SIPA1L1: variants seen among roughly 807,000 people sequenced by gnomAD.
SIPA1L1 encodes the protein signal induced proliferation associated 1 like 1.
Under a neutral mutation model 162.7 loss-of-function variants are expected in SIPA1L1, and 26 were observed. The observed-to-expected ratio is 0.16, with a 90% CI of 0.12 to 0.22. SIPA1L1 has a LOEUF of 0.22. Among genes scored for constraint, SIPA1L1 ranks in the 10% least tolerant of loss-of-function variants. The pLI is 1.00. For synonymous variants in SIPA1L1, 829 were observed against 837.4 expected (o/e 0.99, Z 0.17); for missense variants, 1,874 against 2,241.0 (o/e 0.84, Z 3.31).
At chr14:71,539,310 A>G (rs535376309) in intron 4 of SIPA1L1, among the ~76,000 whole-genome samples, 3 of 152,320 alleles carry the variant, frequency 2.0e-5, no homozygotes, top group East Asian at 3.9e-4. Flanking sequence ...TGTGTGGCCT[A>G]GTGTAAATAT....
chr14:71,581,229 CTA>C (rs2033884200), intron 4 of SIPA1L1, among the ~76,000 whole-genome samples: 1 of 152,028 alleles, frequency 6.6e-6, no homozygotes, highest in East Asian at 1.9e-4. Flanking sequence ...TGGGAACTCA[CTA>C]TGTTACCCAG....
intron 2 of SIPA1L1, among the ~76,000 whole-genome samples, chr14:71,396,686 G>A (rs116063945): frequency 0.021 from 3,226 of 152,132 alleles, 114 homozygotes; most frequent in African/African-American, 0.073. Flanking sequence ...CCCTAATTAC[G>A]TTGTGTATCT....
rs545070693 is a variant in SIPA1L1 at position 71,583,401 on chromosome 14, C to T, written c.-302-4170C>T. Among the ~76,000 whole-genome samples, 38 of 152,206 alleles carry T rather than the reference C, an allele frequency of 2.5e-4. No homozygotes were observed. The East Asian group carries it at 6.6e-3, about 26-fold the overall frequency. ...ACTGCCCTGAAACATTGAGAGCTGGCGTTGTATTTTAGGCTGTACCAGTTA... is the reference window on the plus strand; with the variant it reads ...ACTGCCCTGAAACATTGAGAGCTGGTGTTGTATTTTAGGCTGTACCAGTTA... On this transcript the variant is annotated intron_variant, in intron 4 of 23. Coordinates refer to ENST00000381232, the MANE Select transcript of SIPA1L1 (RefSeq NM_001386936.1).
At chr14:71,461,404 G>C (rs1210081301) in intron 2 of SIPA1L1, among the ~76,000 whole-genome samples, 3 of 152,178 alleles carry the variant, frequency 2.0e-5, no homozygotes. Flanking sequence ...GGCCCATTGG[G>C]TGATGACGGG....
At chr14:71,604,010 T>G (rs2037175352) in intron 5 of SIPA1L1, among the ~76,000 whole-genome samples, 1 of 145,898 alleles carries the variant, frequency 6.9e-6, no homozygotes, top group Non-Finnish European at 1.5e-5. Context: ...AATTTTTTTT[T>G]TTTTGAGACA....
At chr14:71,730,384 AGAGAGG>A in intron 20 of SIPA1L1, 83 bp downstream of exon 20, 8 of 1,492,740 alleles carry the variant, frequency 5.4e-6, no homozygotes, top group Non-Finnish European at 7.4e-6. Context: ...TCATGTGCTC[AGAGAGG>A]GGTCCTGTAT....
chr14:71,553,536 T>C (rs1470716263), intron 4 of SIPA1L1, among the ~76,000 whole-genome samples: 3 of 152,240 alleles, frequency 2.0e-5, no homozygotes, highest in Non-Finnish European at 1.5e-5. Flanking sequence ...TTTAATTGGA[T>C]GTCAAGATAG....
intron 2 of SIPA1L1, among the ~76,000 whole-genome samples, chr14:71,352,703 C>G (rs773198711): frequency 2.2e-4 from 34 of 152,132 alleles, no homozygotes; most frequent in Non-Finnish European, 4.4e-4. Flanking sequence ...GTGATGCCAT[C>G]TACAGGGGAT....
chr14:71,451,924 A>G (rs1024031201), intron 2 of SIPA1L1, among the ~76,000 whole-genome samples: 2 of 152,232 alleles, frequency 1.3e-5, no homozygotes, highest in Admixed American at 6.5e-5. Context: ...GCATGGAATT[A>G]TATACATCAA....
chr14:71,579,756 A>T (rs952235844), intron 4 of SIPA1L1, among the ~76,000 whole-genome samples: 2 of 152,190 alleles, frequency 1.3e-5, no homozygotes, highest in African/African-American at 4.8e-5. Flanking sequence ...CATTGTTCTT[A>T]TGCTCCTTTC....
intron 10 of SIPA1L1, among the ~76,000 whole-genome samples, chr14:71,668,288 G>C (rs781413332): frequency 7.9e-5 from 12 of 152,158 alleles, no homozygotes; most frequent in Non-Finnish European, 1.5e-4. Flanking sequence ...TCCTCAGAGG[G>C]AGTAAGTGTG....
intron 2 of SIPA1L1, among the ~76,000 whole-genome samples, chr14:71,469,403 T>C (rs548199275): frequency 5.3e-5 from 8 of 152,328 alleles, no homozygotes; most frequent in Admixed American, 2.6e-4. Flanking sequence ...TTACCTGTTA[T>C]GTGTTTGTCC....
intron 5 of SIPA1L1, among the ~76,000 whole-genome samples, chr14:71,606,044 G>A (rs1426078990): frequency 6.6e-6 from 1 of 152,136 alleles, no homozygotes; most frequent in East Asian, 1.9e-4. Context: ...CTGCCTCCTT[G>A]ATGGCACATG....
At chr14:71,616,963 T>C (rs150559831) in intron 5 of SIPA1L1, among the ~76,000 whole-genome samples, 264 of 152,170 alleles carry the variant, frequency 1.7e-3, no homozygotes, top group African/African-American at 6.0e-3. Context: ...TTCCTAGAAG[T>C]TGGTTTTTAT....
chr14:71,599,036 C>T (rs1400877893), intron 5 of SIPA1L1, among the ~76,000 whole-genome samples: 1 of 152,044 alleles, frequency 6.6e-6, no homozygotes, highest in Non-Finnish European at 1.5e-5. Flanking sequence ...TTAGCTCCCA[C>T]ATGTGCCTGA....
intron 9 of SIPA1L1, among the ~76,000 whole-genome samples, chr14:71,660,129 C>A (rs2149232300): frequency 6.6e-6 from 1 of 152,084 alleles, no homozygotes; most frequent in African/African-American, 2.4e-5. Flanking sequence ...CAGAAAATGA[C>A]ATCATTTATG....
At chr14:71,536,662 T>C (rs919675824) in intron 4 of SIPA1L1, among the ~76,000 whole-genome samples, 1 of 152,250 alleles carries the variant, frequency 6.6e-6, no homozygotes, top group African/African-American at 2.4e-5. Context: ...AGCACTGTCT[T>C]GGAAGATCTT....
chr14:71,434,752 A>G (rs943279334), intron 2 of SIPA1L1, among the ~76,000 whole-genome samples: 6 of 151,930 alleles, frequency 3.9e-5, no homozygotes, highest in East Asian at 1.9e-4. Flanking sequence ...CTAACTTACT[A>G]TTTTTTTGTA....
At chr14:71,469,624 A>T (rs758821831) in intron 2 of SIPA1L1, among the ~76,000 whole-genome samples, 4 of 152,182 alleles carry the variant, frequency 2.6e-5, no homozygotes, top group Admixed American at 6.5e-5. Context: ...CAAGGGTTTT[A>T]TTCTGGAGGA....
Sources: allele counts gnomAD v4.1 joint callset (sites outside exome capture counted in the v4.1 genomes callset), GRCh38; gene constraint gnomAD v4.1.1; transcripts MANE v1.5; gene names NCBI Gene and HGNC (gene_info 2026-07-23, HGNC 2026-07-21).